MROH9: variants seen among roughly 807,000 people sequenced by gnomAD.
MROH9 encodes maestro heat-like repeat-containing protein family member 9.
MROH9 carries 92 observed loss-of-function variants against 98.2 expected under a neutral mutation model. The ratio of observed to expected loss-of-function variants is 0.94; its 90% CI spans 0.79 to 1.11. The LOEUF (loss-of-function observed/expected upper bound fraction) is 1.11, where lower values mean the gene tolerates loss of function less well. Among genes scored for constraint, MROH9 ranks in the 50% most tolerant of loss-of-function variants. The pLI is 0.00. For missense variants in MROH9, 1,057 were observed against 1,014.8 expected, an observed-to-expected ratio of 1.04 and a Z score of -0.57; for synonymous variants, 397 against 368.9, an observed-to-expected ratio of 1.08 and a Z score of -0.87.
intron 20 of MROH9, among the ~76,000 whole-genome samples, chr1:171,035,339 T>A (rs891739325): frequency 1.3e-5 from 2 of 151,718 alleles, no homozygotes; most frequent in African/African-American, 4.8e-5. Flanking sequence ...CAAATAATCA[T>A]GTAAAACATG....
At chr1:171,061,990 A>G (rs1177942049) in intron 20 of MROH9, 142 bp from the exon 21 acceptor site, 3 of 611,888 alleles carry the variant, frequency 4.9e-6, no homozygotes, top group Non-Finnish European at 8.7e-6. Context: ...ATGAGACAAT[A>G]ATTAAAAGTA....
chr1:170,984,764 A>T (rs1462393194), intron 9 of MROH9, among the ~76,000 whole-genome samples: 2 of 152,200 alleles, frequency 1.3e-5, no homozygotes, highest in Non-Finnish European at 2.9e-5. Context: ...ATGACCTGTT[A>T]TTCATTTCCC....
chr1:170,999,535 T>C (rs916831239), intron 15 of MROH9, among the ~76,000 whole-genome samples: 1 of 152,022 alleles, frequency 6.6e-6, no homozygotes, highest in Non-Finnish European at 1.5e-5. Context: ...TCTATATATA[T>C]ATATATACAC....
At chr1:170,936,164 A>G (rs1648873869) in intron 1 of MROH9, among the ~76,000 whole-genome samples, 1 of 152,094 alleles carries the variant, frequency 6.6e-6, no homozygotes, top group Non-Finnish European at 1.5e-5. Flanking sequence ...AACCACAACT[A>G]TATAGATAAA....
In MROH9 at chr1:170,961,875, G is replaced by A; in HGVS notation, c.289-15G>A. 1 of 1,344,608 alleles carries A rather than the reference G, an allele frequency of 7.4e-7. No homozygotes were observed. Among genetic ancestry groups the A allele is most frequent in the Non-Finnish European group, 1.0e-6 (1 of 987,284 alleles). The allele number at this position is 1,344,608 out of a possible 1,614,324, so 83.3% of individuals were successfully genotyped here. ...ATCTAAGTCTGGCTGACTGTGCAAT[G>A]TTTTTGTGTTTCAGAATTTATACCA... On this transcript the variant is annotated splice_polypyrimidine_tract_variant and intron_variant, in intron 5 of 21. Coordinates refer to ENST00000367759, the MANE Select transcript of MROH9 (RefSeq NM_001163629.2).
At position 170,959,555 on chromosome 1, in the gene MROH9, A is replaced by C; in HGVS notation, c.246A>C (p.Val82=). 6.2e-7 allele frequency: 1 copy of C among 1,613,850 alleles called. No individual in the cohort carries two copies. Among genetic ancestry groups the C allele is most frequent in the Non-Finnish European group, 8.5e-7 (1 of 1,179,870 alleles). ...TTGTCATGCCAAGTCTTGACAAAGTAAAAGAAATGGGGAGCAGTTATGAGT... is the reference window on the plus strand; with the variant it reads ...TTGTCATGCCAAGTCTTGACAAAGTCAAAGAAATGGGGAGCAGTTATGAGT... ...MLVVMPSLDK[V]KEMGSSYEYI... The change falls in exon 5 of 22, where the codon GTA becomes GTC. Residue 82 remains valine (V), a synonymous_variant. Transcript: ENST00000367759.
At chr1:171,015,144 T>C in intron 16 of MROH9, 1 of 448,720 alleles carries the variant, frequency 2.2e-6, no homozygotes, top group South Asian at 1.7e-5. Context: ...GTTTATCTAA[T>C]GAGCATAGTC....
At chr1:170,948,115 G>A (rs907013545) in intron 3 of MROH9, among the ~76,000 whole-genome samples, 5 of 151,936 alleles carry the variant, frequency 3.3e-5, no homozygotes, top group African/African-American at 1.2e-4. Context: ...GCAGTGTGTA[G>A]CACAGTATTG....
intron 20 of MROH9, among the ~76,000 whole-genome samples, chr1:171,039,394 T>C (rs1653224117): frequency 6.6e-6 from 1 of 152,328 alleles, no homozygotes; most frequent in African/African-American, 2.4e-5. Flanking sequence ...GGGCCAGCTC[T>C]TTTGCTGCTC....
chr1:170,990,270 GT>G (rs1651305765), intron 11 of MROH9, among the ~76,000 whole-genome samples: 1 of 152,162 alleles, frequency 6.6e-6, no homozygotes, highest in Non-Finnish European at 1.5e-5. Flanking sequence ...GCTTTAAATT[GT>G]GTTCTGTTGC....
At chr1:171,038,966 C>G (rs911885794) in intron 20 of MROH9, among the ~76,000 whole-genome samples, 1 of 152,128 alleles carries the variant, frequency 6.6e-6, no homozygotes, top group African/African-American at 2.4e-5. Flanking sequence ...TATACTGAAC[C>G]TGCATTTCTG....
At chr1:170,942,352 C>A (rs1186515670) in intron 1 of MROH9, among the ~76,000 whole-genome samples, 2 of 145,588 alleles carry the variant, frequency 1.4e-5, no homozygotes, top group Non-Finnish European at 3.0e-5. Context: ...ACAGTTTCCT[C>A]CGGCAATGTA....
intron 15 of MROH9, among the ~76,000 whole-genome samples, chr1:171,003,519 G>A (rs193114777): frequency 1.3e-5 from 2 of 152,248 alleles, no homozygotes; most frequent in Admixed American, 6.5e-5. Context: ...TCTTTTCTGG[G>A]TCTAGCCACC....
intron 7 of MROH9, among the ~76,000 whole-genome samples, chr1:170,967,365 C>G (rs1650275118): frequency 6.6e-6 from 1 of 152,132 alleles, no homozygotes; most frequent in Non-Finnish European, 1.5e-5. Context: ...AAAATATTGT[C>G]TTGTAAAGAT....
Position 171,020,916 on chromosome 1 carries a change from G to A in MROH9, c.1909-3479G>A, listed in dbSNP as rs139820879. 3.1e-3 allele frequency among the ~76,000 whole-genome samples: 477 copies of A among 151,994 alleles called. 3 individuals carry two copies. Among genetic ancestry groups the A allele is most frequent in the African/African-American group, 0.011 (446 of 41,448 alleles). ...CTGATAAGCAACTTCACAAAGTCTC[G>A]GGATACAAAATCAATGTGCAAAAAT... On this transcript the variant is annotated intron_variant, in intron 17 of 21. Transcript: ENST00000367759.
intron 3 of MROH9, among the ~76,000 whole-genome samples, chr1:170,952,198 C>T (rs1231852358): frequency 6.6e-6 from 1 of 151,872 alleles, no homozygotes; most frequent in Non-Finnish European, 1.5e-5. Flanking sequence ...GTGGCGATTC[C>T]TCAGGGATCT....
rs1654100795 is a variant in MROH9 at position 171,064,223 on chromosome 1, A to G, written c.2469A>G (p.Lys823=). 1 of 1,551,594 alleles carries G rather than the reference A, an allele frequency of 6.4e-7. No individual in the cohort carries two copies. Among genetic ancestry groups the G allele is most frequent in the Non-Finnish European group, 8.7e-7 (1 of 1,146,926 alleles). Residue 823 remains lysine, a synonymous_variant, in exon 22 of 22, where the codon AAA becomes AAG. Coordinates refer to ENST00000367759, the MANE Select transcript of MROH9 (RefSeq NM_001163629.2). ...CACCTCTTAAACAAAACTTCCAAAA[A>G]TTGCTTAAATTATTCTACATCAAAA... ...TSAPLKQNFQ[K]LLKLFYIKKL... is the part of the protein sequence containing the mutation.
intron 12 of MROH9, among the ~76,000 whole-genome samples, chr1:170,994,943 C>T (rs1235159825): frequency 2.2e-5 from 3 of 135,316 alleles, no homozygotes; most frequent in African/African-American, 7.7e-5. Context: ...ATGTGGTGAC[C>T]TCCCGCCCAT....
At chr1:171,004,326 G>T (rs1651879519) in intron 15 of MROH9, among the ~76,000 whole-genome samples, 1 of 152,114 alleles carries the variant, frequency 6.6e-6, no homozygotes, top group Non-Finnish European at 1.5e-5. Context: ...TCCCTGCATA[G>T]TTTTACTCCC....
Sources: gnomAD v4.1 joint callset for allele counts (sites outside exome capture counted in the v4.1 genomes callset) on GRCh38, gnomAD v4.1.1 for gene constraint, MANE v1.5 for transcripts, NCBI Gene and HGNC (gene_info 2026-07-23, HGNC 2026-07-21) for gene names.